Variants in ENO4 observed in about 807,000 individuals in gnomAD.
ENO4 encodes 2-phospho-D-glycerate hydro-lyase.
ENO4 carries 53 observed loss-of-function variants against 63.2 expected under a neutral mutation model. That is an observed-to-expected ratio of 0.84 (90% CI 0.67 to 1.05). The LOEUF (loss-of-function observed/expected upper bound fraction) is 1.05, where lower values mean the gene tolerates loss of function less well. Among genes scored for constraint, ENO4 ranks in the 50% least tolerant of loss-of-function variants. The pLI is 0.00. For missense variants in ENO4, 719 were observed against 772.0 expected (o/e 0.93, Z 0.81); for synonymous variants, 266 against 283.8 (o/e 0.94, Z 0.63).
In ENO4 at chr10:116,881,544, T is replaced by G. The variant is rs1223573865; in HGVS notation, c.1753T>G (p.Phe585Val). 1 of 1,547,344 alleles carries G rather than the reference T, an allele frequency of 6.5e-7. No individual in the cohort carries two copies. The highest frequency in any genetic ancestry group is 1.4e-5 in the African/African-American group (1 of 72,784). The change falls in exon 14 of 14, where the codon TTT becomes GTT. Residue 585 changes from phenylalanine to valine, a missense_variant. By Grantham distance (50) the Phe-to-Val change is conservative. Transcript: ENST00000341276. ...CAAAGAAGAACACACTTTTTTTTAC[T>G]TTAATGAGGAAGCTGAAAAGGCTGC... Reference protein sequence around the residue: ...GFKEEHTFFYFNEEAEKAAEA... With the variant: ...GFKEEHTFFYVNEEAEKAAEA...
chr10:116,877,885 C>G (rs903018201), intron 11 of ENO4, among the ~76,000 whole-genome samples: 2 of 152,184 alleles, frequency 1.3e-5, no homozygotes, highest in African/African-American at 4.8e-5. Context: ...GCAACTTTCC[C>G]ATGACACTAT....
chr10:116,910,563 A>G (rs1848151870), intron 10 of ENO4, among the ~76,000 whole-genome samples: 1 of 152,202 alleles, frequency 6.6e-6, no homozygotes, highest in African/African-American at 2.4e-5. Context: ...TGTACCTCAT[A>G]GAGACGTCTG....
chr10:116,873,340 C>G (rs887262436), intron 9 of ENO4, among the ~76,000 whole-genome samples: 22 of 152,274 alleles, frequency 1.4e-4, no homozygotes, highest in African/African-American at 5.1e-4. Flanking sequence ...TGCATTCCAC[C>G]TCCCTCCCAG....
intron 1 of ENO4, 113 bp downstream of exon 1, chr10:116,849,844 C>A: frequency 1.6e-6 from 2 of 1,249,346 alleles, no homozygotes; most frequent in South Asian, 1.4e-5. Context: ...GCCAGCCGCC[C>A]GGGCCCTGGG....
chr10:116,850,133 C>T (rs1408355453), intron 1 of ENO4: 1 of 290,880 alleles, frequency 3.4e-6, no homozygotes, highest in African/African-American at 2.3e-5. Flanking sequence ...AGCAGCTCCT[C>T]TTTGATCACA....
chr10:116,873,998 C>T (rs1349235954), intron 9 of ENO4, 78 bp from the exon 10 acceptor site: 27 of 1,425,216 alleles, frequency 1.9e-5, no homozygotes, highest in Middle Eastern at 1.8e-4. Flanking sequence ...TGAACGAAAA[C>T]GAATCTGAAC....
intron 1 of ENO4, among the ~76,000 whole-genome samples, chr10:116,854,922 C>T (rs1589748308): frequency 2.1e-5 from 2 of 95,308 alleles, no homozygotes; most frequent in Non-Finnish European, 1.9e-5. Flanking sequence ...GCCTGGCTGA[C>T]AGAGCAAGAC....
At chr10:116,890,578 C>T (rs950085801) in intron 10 of ENO4, among the ~76,000 whole-genome samples, 3 of 152,196 alleles carry the variant, frequency 2.0e-5, no homozygotes, top group African/African-American at 7.2e-5. Flanking sequence ...TGCTCAAAGG[C>T]TATTTCAAGA....
intron 10 of ENO4, among the ~76,000 whole-genome samples, chr10:116,888,593 T>C (rs1259200151): frequency 6.6e-6 from 1 of 152,162 alleles, no homozygotes; most frequent in East Asian, 1.9e-4. Flanking sequence ...CAAGACAATC[T>C]GCAGAATAAG....
chr10:116,906,138 T>C (rs928689252), intron 10 of ENO4, among the ~76,000 whole-genome samples: 2 of 152,274 alleles, frequency 1.3e-5, no homozygotes, highest in African/African-American at 2.4e-5. Context: ...TGCACATTGC[T>C]AAGCATTTTT....
chr10:116,880,332 T>C (rs1458620150), intron 13 of ENO4, among the ~76,000 whole-genome samples: 2 of 152,202 alleles, frequency 1.3e-5, no homozygotes, highest in African/African-American at 4.8e-5. Flanking sequence ...GCAGACACTT[T>C]CCTGAGGGTT....
chr10:116,886,435 G>A, downstream of ENO4: 1 of 1,610,828 alleles, frequency 6.2e-7, no homozygotes, highest in Non-Finnish European at 8.5e-7. Context: ...CTTGTGTTGA[G>A]TTGGATCTTT....
intron 10 of ENO4, among the ~76,000 whole-genome samples, chr10:116,897,341 T>C (rs1029471727): frequency 3.9e-5 from 6 of 152,246 alleles, no homozygotes; most frequent in Non-Finnish European, 8.8e-5. Flanking sequence ...CTAGGAAATA[T>C]GTGCCTCTTA....
chr10:116,905,359 A>C (rs1282126628), intron 10 of ENO4, among the ~76,000 whole-genome samples: 6 of 152,208 alleles, frequency 3.9e-5, no homozygotes, highest in Non-Finnish European at 4.4e-5. Flanking sequence ...AACCATCCTA[A>C]GAAAAAAATG....
chr10:116,893,694 A>G (rs1270815166), intron 10 of ENO4, among the ~76,000 whole-genome samples: 1 of 151,626 alleles, frequency 6.6e-6, no homozygotes, highest in East Asian at 1.9e-4. Flanking sequence ...CAGGACTAAA[A>G]GAACTTCCCT....
chr10:116,872,947 A>C (rs1846736552), intron 9 of ENO4, among the ~76,000 whole-genome samples: 1 of 152,198 alleles, frequency 6.6e-6, no homozygotes. Context: ...CCTATTCTTC[A>C]CATAATGATT....
intron 10 of ENO4, among the ~76,000 whole-genome samples, chr10:116,889,781 G>A (rs1034034393): frequency 1.3e-5 from 2 of 152,148 alleles, no homozygotes; most frequent in Non-Finnish European, 2.9e-5. Context: ...TTCCGAATCC[G>A]TTTCCATCTC....
At chr10:116,867,378 C>T (rs898713938) in intron 7 of ENO4, among the ~76,000 whole-genome samples, 1 of 149,768 alleles carries the variant, frequency 6.7e-6, no homozygotes, top group Admixed American at 6.8e-5. Context: ...AGGCTGCCAG[C>T]CTGGGCAACA....
In ENO4 at chr10:116,879,877, G is replaced by A; in HGVS notation, c.1614G>A (p.Gly538=). ...TTTTTCCCCCCTTTCAGGCTGTTGGGCTTGGTGTCCGGTTCATCAAGTTGG... is the reference window on the plus strand; with the variant it reads ...TTTTTCCCCCCTTTCAGGCTGTTGGACTTGGTGTCCGGTTCATCAAGTTGG... ...SDDSLVDLAV[G]LGVRFIKLGG... The change falls in exon 13 of 14, where the codon GGG becomes GGA. Residue 538 remains glycine, a synonymous_variant. Coordinates refer to ENST00000341276, the MANE Select transcript of ENO4 (RefSeq NM_001242699.2). 1 of 1,550,006 alleles carries A rather than the reference G, an allele frequency of 6.5e-7. No homozygotes were observed. Among genetic ancestry groups the A allele is most frequent in the Non-Finnish European group, 8.7e-7 (1 of 1,146,822 alleles).
Sources: gnomAD v4.1 joint callset for allele counts (sites outside exome capture counted in the v4.1 genomes callset) on GRCh38, gnomAD v4.1.1 for gene constraint, MANE v1.5 for transcripts, NCBI Gene and HGNC (gene_info 2026-07-23, HGNC 2026-07-21) for gene names.